Variants in RAPGEF3 observed in about 807,000 individuals in gnomAD.
The protein encoded by RAPGEF3 is Rap guanine nucleotide exchange factor 3, also known as 9330170P05Rik.
Under a neutral mutation model 129.8 loss-of-function variants are expected in RAPGEF3, and 103 were observed. The observed-to-expected ratio is 0.79, with a 90% confidence interval of 0.68 to 0.93. The LOEUF (loss-of-function observed/expected upper bound fraction) is 0.93. Among genes scored for constraint, RAPGEF3 ranks in the 40% least tolerant of loss-of-function variants. The pLI is 0.00. For missense variants in RAPGEF3, 1,117 were observed against 1,207.4 expected (o/e 0.93, Z 1.11); for synonymous variants, 436 against 482.6 (o/e 0.90, Z 1.26).
chr12:47,738,519 C>A (rs1592532260), intron 25 of RAPGEF3, among the ~76,000 whole-genome samples, 171 bp downstream of exon 25: 1 of 152,158 alleles, frequency 6.6e-6, no homozygotes, highest in African/African-American at 2.4e-5. Context: ...AGGCTGGCAC[C>A]CTGGCAGACC....
At position 47,758,624 on chromosome 12, in the gene RAPGEF3, A is replaced by G. The variant is rs1344605086; in HGVS notation, c.-68T>C. 2.5e-6 allele frequency: 4 copies of G among 1,607,482 alleles called. No individual in the cohort carries two copies. The Admixed American group carries it at 5.1e-5, about 20-fold the overall frequency. On this transcript the variant is annotated 5_prime_UTR_variant, in exon 1 of 28. It removes an upstream start codon present in the reference 5' UTR. Coordinates refer to ENST00000449771, the MANE Select transcript of RAPGEF3 (RefSeq NM_001098531.4). The stretch of plus-strand genomic sequence containing the variant: ...GGCTGGGGGGTCCCCAGCGACCCCC[A>G]TCAGCTTTGATAAGGGGATCCGGAG...
At chr12:47,737,769 G>A in intron 27 of RAPGEF3, 84 bp from the exon 28 acceptor site, 1 of 1,317,510 alleles carries the variant, frequency 7.6e-7, no homozygotes, top group Non-Finnish European at 1.1e-6. Context: ...TATCACATCT[G>A]CCTTCTTGCC....
Position 47,757,996 on chromosome 12 carries a change from G to T in RAPGEF3, c.89C>A (p.Ala30Asp), listed in dbSNP as rs372882833. 25 of 1,572,726 alleles carry T rather than the reference G, an allele frequency of 1.6e-5. No homozygotes were observed. In the African/African-American group the frequency reaches 2.7e-4, roughly 17 times the overall value. Residue 30 changes from alanine (A) to aspartate (D), a missense_variant, in exon 2 of 28, where the codon GCC (alanine) becomes GAC (aspartate). By Grantham distance (126) the Ala-to-Asp change is moderately radical (BLOSUM62 -2). Transcript: ENST00000449771. Reference sequence around the variant, plus strand: ...CCCCTCCGGCACCACGTCAGGGAGGGCTCCCACCCGCGGTGCTCCCAGAGC... The same window carrying T: ...CCCCTCCGGCACCACGTCAGGGAGGTCTCCCACCCGCGGTGCTCCCAGAGC... The part of the protein sequence containing the change: ...SPALGAPRVG[A>D]LPDVVPEGTL...
At position 47,751,527 on chromosome 12, in the gene RAPGEF3, A is replaced by G; in HGVS notation, c.381-7T>C. Reference sequence around the variant, plus strand: ...CCGGCCAGAGCAGCACTGCCTATGGAAGGTAGAAGGGGACAGGCCAGTGGA... The same window carrying G: ...CCGGCCAGAGCAGCACTGCCTATGGGAGGTAGAAGGGGACAGGCCAGTGGA... On this transcript the variant is annotated splice_region_variant and splice_polypyrimidine_tract_variant and intron_variant, in intron 4 of 27. Transcript: ENST00000449771. 6.2e-7 allele frequency: 1 copy of G among 1,614,180 alleles called. No homozygotes were observed. The highest frequency in any genetic ancestry group is 1.1e-5 in the South Asian group (1 of 91,090).
chr12:47,758,675 A>G lies in RAPGEF3; in HGVS notation c.-119T>C, dbSNP rs531603776. The G allele has an allele frequency of 9.5e-5, 145 of 1,521,340 alleles. No individual in the cohort carries two copies. The Middle Eastern group carries it at 1.6e-3, about 17-fold the overall frequency. 94.2% of individuals were successfully genotyped at this position (1,521,340 alleles called of 1,614,324 possible). A position where few individuals can be genotyped will look rare whatever the true frequency, so the allele number is the denominator to read the frequency against. On this transcript the variant is annotated 5_prime_UTR_variant, in exon 1 of 28. Coordinates refer to ENST00000449771, the MANE Select transcript of RAPGEF3 (RefSeq NM_001098531.4). ...GGTGCCAGTGGGTAAGTCCAGGTAC[A>G]GTGAACTGGGCCAGTGCCTAGCTGG...
At chr12:47,747,484 C>T in intron 15 of RAPGEF3, 60 bp downstream of exon 15, 1 of 1,557,816 alleles carries the variant, frequency 6.4e-7, no homozygotes, top group Non-Finnish European at 8.8e-7. Flanking sequence ...AGCGTATGCT[C>T]TTGGTCCCCA....
chr12:47,741,107 AG>A, intron 19 of RAPGEF3, 67 bp from the exon 20 acceptor site: 1 of 1,544,336 alleles, frequency 6.5e-7, no homozygotes, highest in East Asian at 2.3e-5. Flanking sequence ...GTAGGGGGAG[AG>A]GGTTGGGGCA....
intron 25 of RAPGEF3, 73 bp downstream of exon 25, chr12:47,738,617 C>A: frequency 7.5e-7 from 1 of 1,336,832 alleles, no homozygotes. Context: ...CCTCCAAGCC[C>A]TGCCCCTTCC....
At chr12:47,751,687 G>T (rs750424562) in intron 4 of RAPGEF3, 36 bp downstream of exon 4, 3 of 1,607,500 alleles carry the variant, frequency 1.9e-6, no homozygotes, top group Non-Finnish European at 2.5e-6. Context: ...AGAAAGCAGT[G>T]AGGCTGGGCA....
rs1002833104 is a variant in RAPGEF3 at position 47,749,934 on chromosome 12, G to A, written c.813C>T (p.Thr271=). ...CTTATGCCCTGCTGGACTTACACAC[G>A]GTCCCTGCCTTGCTGTGTGGTTCAA... ...LLFEPHSKAG[T]VLFSQGDKGT... is the part of the protein sequence containing the mutation. Residue 271 remains threonine (T), a synonymous_variant, in exon 8 of 28, where the codon ACC becomes ACT. Coordinates refer to ENST00000449771, the MANE Select transcript of RAPGEF3 (RefSeq NM_001098531.4). This position sits in a 1 kb window ranked among gnomAD's most constrained non-coding sequence, Gnocchi z 4.5. 1.1e-5 allele frequency: 18 copies of A among 1,614,082 alleles called. No homozygotes were observed. The highest frequency in any genetic ancestry group is 4.5e-5 in the East Asian group (2 of 44,898).
intron 2 of RAPGEF3, chr12:47,752,781 C>T (rs1369758967): frequency 1.3e-5 from 2 of 152,266 alleles, no homozygotes; most frequent in African/African-American, 4.8e-5. Flanking sequence ...TGGAAAGCGT[C>T]TTTCTTCTCT....
chr12:47,749,172 G>A lies in RAPGEF3; in HGVS notation c.1041+218C>T, dbSNP rs1271404718. 1.5e-6 allele frequency: 1 copy of A among 655,876 alleles called. No homozygotes were observed. Among genetic ancestry groups the A allele is most frequent in the East Asian group, 2.7e-5 (1 of 36,426 alleles). 40.6% of individuals were successfully genotyped at this position (655,876 alleles called of 1,614,324 possible). ...CATCCTTCCCCTGGTCTCCCACACT[G>A]AGCCTGAAGTCACTGGTCTCACTGA... On this transcript the variant is annotated intron_variant, in intron 10 of 27. Transcript: ENST00000449771. This position sits in a 1 kb window ranked among gnomAD's most constrained non-coding sequence, Gnocchi z 4.5.
rs772984385 is a variant in RAPGEF3, at chr12:47,758,009, G to T, written c.76C>A (p.Pro26Thr). The change falls in exon 2 of 28, where the codon CCG becomes ACG. Residue 26 changes from proline to threonine, a missense_variant. Physicochemically the swap from Pro to Thr is conservative, Grantham distance 38 (BLOSUM62 -1). This residue lies in a region of RAPGEF3 where 367 missense variants were observed against 373.4 expected (regional missense o/e 0.98). Coordinates refer to ENST00000449771, the MANE Select transcript of RAPGEF3 (RefSeq NM_001098531.4). ...AVEDSPALGA[P>T]RVGALPDVVP... ...ACGTCAGGGAGGGCTCCCACCCGCG[G>T]TGCTCCCAGAGCTGGGCTATCCTCC... is the stretch of plus-strand genomic sequence containing the variant. 1.3e-6 allele frequency: 2 copies of T among 1,574,938 alleles called. No individual in the cohort carries two copies. The highest frequency in any genetic ancestry group is 2.3e-5 in the East Asian group (1 of 42,874).
chr12:47,743,834 C>T (rs1941286804), intron 17 of RAPGEF3, among the ~76,000 whole-genome samples, 153 bp downstream of exon 17: 1 of 152,220 alleles, frequency 6.6e-6, no homozygotes, highest in Non-Finnish European at 1.5e-5. Flanking sequence ...GGAGGCAGAT[C>T]TAGCCAGCAG....
intron 2 of RAPGEF3, among the ~76,000 whole-genome samples, chr12:47,755,074 C>T (rs555304420): frequency 1.3e-5 from 2 of 152,078 alleles, no homozygotes; most frequent in African/African-American, 4.8e-5. Context: ...TGCATGGGGC[C>T]GGGATGATGC....
chr12:47,758,744 T>A lies in RAPGEF3; in HGVS notation c.-188A>T. The stretch of plus-strand genomic sequence containing the variant: ...AGGATGCAGGGCTCGGTGGAGAGGC[T>A]CCTCTTGGGTGAGTAGAGGGGTGGG... On this transcript the variant is annotated 5_prime_UTR_variant, in exon 1 of 28. Transcript: ENST00000449771. 2.6e-6 allele frequency: 3 copies of A among 1,149,004 alleles called. No homozygotes were observed. The highest frequency in any genetic ancestry group is 3.2e-6 in the Non-Finnish European group (3 of 927,068). 71.2% of individuals were successfully genotyped at this position (1,149,004 alleles called of 1,614,324 possible). A position where few individuals can be genotyped will look rare whatever the true frequency, so the allele number is the denominator to read the frequency against.
At chr12:47,739,533 C>T in intron 23 of RAPGEF3, 1 of 587,330 alleles carries the variant, frequency 1.7e-6, no homozygotes, top group Non-Finnish European at 3.1e-6. Flanking sequence ...CTCCCTCTCT[C>T]TCTCTGCAGA....
rs776637200 is a variant in RAPGEF3, at chr12:47,758,489, CG to C, written c.6+61del. On this transcript the variant is annotated intron_variant, in intron 1 of 27. Transcript: ENST00000449771. ...TCCCTCTCCCACCCAAACTCCCCAC[CG>C]TGTCAGCTTCCTCTCCCGCCCTCTC... is the stretch of plus-strand genomic sequence containing the variant. 7.8e-4 allele frequency: 1,243 copies of C among 1,596,848 alleles called. 1 individual carries two copies. Among genetic ancestry groups the C allele is most frequent in the Non-Finnish European group, 9.9e-4 (1,162 of 1,169,316 alleles).
chr12:47,739,380 G>C (rs1412438614), intron 23 of RAPGEF3, 150 bp from the exon 24 acceptor site: 1 of 727,904 alleles, frequency 1.4e-6, no homozygotes. Flanking sequence ...CCCAGGCTCT[G>C]TCACAGGCGA....
Sources: allele counts gnomAD v4.1 joint callset (sites outside exome capture counted in the v4.1 genomes callset), GRCh38; gene constraint gnomAD v4.1.1; regional missense constraint gnomAD v4.1.1; non-coding constraint Gnocchi (gnomAD v3.1); transcripts MANE v1.5; gene names NCBI Gene and HGNC (gene_info 2026-07-23, HGNC 2026-07-21).